The following GALNT17 variants were observed in gnomAD, a reference collection of about 807,000 sequenced individuals.
The protein encoded by GALNT17 is polypeptide N-acetylgalactosaminyltransferase 17.
Under a neutral mutation model 63.7 loss-of-function variants are expected in GALNT17, and 29 were observed. The observed-to-expected ratio is 0.46, with a 90% CI of 0.34 to 0.62. The LOEUF (loss-of-function observed/expected upper bound fraction) is 0.62, where lower values mean the gene tolerates loss of function less well. Among genes scored for constraint, GALNT17 ranks in the 20% least tolerant of loss-of-function variants. The pLI is 0.01. For synonymous variants in GALNT17, 305 were observed against 318.3 expected, an observed-to-expected ratio of 0.96 and a Z score of 0.45; for missense variants, 603 against 799.6, an observed-to-expected ratio of 0.75 and a Z score of 2.97.
intron 1 of GALNT17, among the ~76,000 whole-genome samples, chr7:71,280,980 A>G (rs528940228): frequency 6.6e-6 from 1 of 152,256 alleles, no homozygotes; most frequent in Admixed American, 6.5e-5. Context: ...ACAGATGAGA[A>G]CCACAGATGC....
chr7:71,335,593 G>A lies in GALNT17; in HGVS notation c.282G>A (p.Arg94=), dbSNP rs780057544. The A allele has an allele frequency of 6.2e-7, 1 of 1,611,950 alleles. No homozygotes were observed. The highest frequency in any genetic ancestry group is 1.1e-5 in the South Asian group (1 of 90,722). The change falls in exon 2 of 11, where the codon CGG becomes CGA. Residue 94 remains arginine, a synonymous_variant. Coordinates refer to ENST00000333538, the MANE Select transcript of GALNT17 (RefSeq NM_022479.3). ...GGCTCATTGAAGGTTATGGTGGGCG[G>A]GGTAAAGGGGGCCTTCCGGCTACTC... ...SLGLIEGYGG[R]GKGGLPATLS...
At chr7:71,499,103 AT>A (rs34491130) in intron 5 of GALNT17, among the ~76,000 whole-genome samples, 44,742 of 149,872 alleles carry the variant, frequency 0.3, 8,663 homozygotes, top group East Asian at 0.63. Flanking sequence ...ACAGCGAAGC[AT>A]TTTTTTTTTT....
At chr7:71,658,973 G>A (rs867791116) in intron 6 of GALNT17, among the ~76,000 whole-genome samples, 13 of 152,076 alleles carry the variant, frequency 8.5e-5, no homozygotes, top group Middle Eastern at 3.4e-3. Context: ...CTGCAAAATA[G>A]CAAAGCATTC....
At chr7:71,249,413 G>A (rs906814705) in intron 1 of GALNT17, among the ~76,000 whole-genome samples, 4 of 151,924 alleles carry the variant, frequency 2.6e-5, no homozygotes, top group Admixed American at 6.6e-5. Context: ...GAAAATTTTT[G>A]AGCACATACC....
chr7:71,162,057 TTTCCTTCCTTCCTTCC>T (rs145567277), intron 1 of GALNT17, among the ~76,000 whole-genome samples: 1 of 85,960 alleles, frequency 1.2e-5, no homozygotes, highest in Non-Finnish European at 2.1e-5. Context: ...CCTTCCTCCC[TTTCCTTCCTTCCTTCC>T]TTCCTTCTTT....
At chr7:71,504,808 T>C (rs898171087) in intron 5 of GALNT17, among the ~76,000 whole-genome samples, 2 of 152,150 alleles carry the variant, frequency 1.3e-5, no homozygotes, top group Admixed American at 6.6e-5. Context: ...CTGCCCTCTC[T>C]CTGTGGCCCG....
At chr7:71,592,578 A>ATAAAATAAAATAAAATAAAATAAAATAC (rs1789825617) in intron 6 of GALNT17, among the ~76,000 whole-genome samples, 13 of 128,106 alleles carry the variant, frequency 1.0e-4, no homozygotes, top group South Asian at 8.7e-4. Context: ...ATAAAATAAA[A>ATAAAATAAAATAAAATAAAATAAAATAC]TAAAATAAAA....
At chr7:71,133,653 G>A (rs911297032) in intron 1 of GALNT17, among the ~76,000 whole-genome samples, 2 of 152,122 alleles carry the variant, frequency 1.3e-5, no homozygotes, top group Admixed American at 6.6e-5. Context: ...GCTCAGGGTG[G>A]GCCTGCGAAG....
intron 10 of GALNT17, among the ~76,000 whole-genome samples, 165 bp downstream of exon 10, chr7:71,711,093 G>A (rs967808043): frequency 6.6e-6 from 1 of 152,144 alleles, no homozygotes; most frequent in Non-Finnish European, 1.5e-5. Flanking sequence ...CCTGGGGGCA[G>A]CTGTGGAGTT....
At chr7:71,350,802 G>A (rs1377623665) in intron 2 of GALNT17, among the ~76,000 whole-genome samples, 1 of 152,124 alleles carries the variant, frequency 6.6e-6, no homozygotes, top group Non-Finnish European at 1.5e-5. Context: ...TTTAGAGAAG[G>A]TGAATTGAAG....
chr7:71,316,251 G>GATCT (rs1583855491), intron 1 of GALNT17, among the ~76,000 whole-genome samples: 1 of 138,542 alleles, frequency 7.2e-6, no homozygotes, highest in East Asian at 2.0e-4. Flanking sequence ...CTGATCTGTG[G>GATCT]GTCTGATCAG....
intron 1 of GALNT17, among the ~76,000 whole-genome samples, chr7:71,143,706 G>A (rs777465734): frequency 2.0e-5 from 3 of 151,952 alleles, no homozygotes; most frequent in African/African-American, 2.4e-5. Flanking sequence ...GTCATGTTGC[G>A]GCTTATTGCA....
chr7:71,710,421 T>C (rs1037010959), intron 9 of GALNT17, among the ~76,000 whole-genome samples: 5 of 152,090 alleles, frequency 3.3e-5, no homozygotes, highest in African/African-American at 1.2e-4. Flanking sequence ...GGCAAGAGAA[T>C]TGCTTGAACC....
intron 6 of GALNT17, 145 bp from the exon 7 acceptor site, chr7:71,665,266 C>T (rs765951348): frequency 5.9e-6 from 5 of 840,492 alleles, no homozygotes; most frequent in East Asian, 5.3e-5. Context: ...CATGAACCAC[C>T]GTGCACAACC....
chr7:71,448,747 T>C (rs1220095267), intron 5 of GALNT17, among the ~76,000 whole-genome samples: 1 of 152,212 alleles, frequency 6.6e-6, no homozygotes, highest in Non-Finnish European at 1.5e-5. Flanking sequence ...CATTACTATT[T>C]GATTCTTTTT....
intron 5 of GALNT17, among the ~76,000 whole-genome samples, chr7:71,477,586 C>G (rs887271115): frequency 3.9e-5 from 6 of 152,068 alleles, no homozygotes; most frequent in Non-Finnish European, 8.8e-5. Context: ...CCTACAGTCT[C>G]AGCTACTCAA....
chr7:71,256,587 A>G (rs1212210674), intron 1 of GALNT17, among the ~76,000 whole-genome samples: 2 of 109,308 alleles, frequency 1.8e-5, no homozygotes, highest in Admixed American at 7.9e-5. Flanking sequence ...AATAAAAACC[A>G]AAAACCAAAA....
rs182288039 is a variant in GALNT17 at position 71,574,789 on chromosome 7, C to G, written c.1080+3387C>G. Among the ~76,000 whole-genome samples, 84 of 152,256 alleles carry G rather than the reference C, an allele frequency of 5.5e-4. 1 individual carries two copies. The highest frequency in any genetic ancestry group is 3.4e-3 in the Middle Eastern group (1 of 294). ...CTGTGTTTACCAAGCCCTCCTACCC[C>G]ACCAGGTAACTTAGTTATGGGCCCT... On this transcript the variant is annotated intron_variant, in intron 6 of 10. Transcript: ENST00000333538.
chr7:71,447,686 A>G (rs1787184716), intron 5 of GALNT17, among the ~76,000 whole-genome samples: 1 of 152,210 alleles, frequency 6.6e-6, no homozygotes, highest in Non-Finnish European at 1.5e-5. Context: ...TCCACATGGT[A>G]TACTTTGGTT....
Sources: allele counts gnomAD v4.1 joint callset (sites outside exome capture counted in the v4.1 genomes callset), GRCh38; gene constraint gnomAD v4.1.1; transcripts MANE v1.5; gene names NCBI Gene and HGNC (gene_info 2026-07-23, HGNC 2026-07-21).